The following IGSF9B variants were observed in gnomAD, a reference collection of about 807,000 sequenced individuals.
IGSF9B encodes protein turtle homolog B.
IGSF9B carries 48 observed loss-of-function variants against 143.7 expected under a neutral mutation model. That is an observed-to-expected ratio of 0.33 (90% CI 0.26 to 0.42). The LOEUF is 0.42. Among genes scored for constraint, IGSF9B ranks in the 20% least tolerant of loss-of-function variants. The pLI is 1.00. For missense variants in IGSF9B, 1,706 were observed against 1,980.0 expected, an observed-to-expected ratio of 0.86 and a Z score of 2.63; for synonymous variants, 903 against 833.1, an observed-to-expected ratio of 1.08 and a Z score of -1.44.
At chr11:133,950,892 CTCT>C (rs1021750652) in intron 1 of IGSF9B, among the ~76,000 whole-genome samples, 2 of 147,812 alleles carry the variant, frequency 1.4e-5, no homozygotes, top group African/African-American at 4.9e-5. Context: ...CCTCCTCCTC[CTCT>C]GGGCACCAGA....
intron 7 of IGSF9B, among the ~76,000 whole-genome samples, chr11:133,933,760 C>T (rs944534698): frequency 4.6e-5 from 7 of 152,076 alleles, no homozygotes; most frequent in African/African-American, 9.7e-5. Context: ...GGAGGAGCAA[C>T]GAGAACCCCA....
At chr11:133,950,041 G>A (rs1940130088) in intron 1 of IGSF9B, among the ~76,000 whole-genome samples, 1 of 152,176 alleles carries the variant, frequency 6.6e-6, no homozygotes, top group Non-Finnish European at 1.5e-5. Context: ...AGGTCTGGCT[G>A]ACCTTTTGGG....
intron 19 of IGSF9B, among the ~76,000 whole-genome samples, chr11:133,910,053 C>A (rs1310121884): frequency 6.6e-6 from 1 of 152,104 alleles, no homozygotes. Flanking sequence ...TGTGGTGTGT[C>A]CCCGATACAG....
intron 14 of IGSF9B, 72 bp downstream of exon 14, chr11:133,925,667 C>A: frequency 7.5e-7 from 1 of 1,339,438 alleles, no homozygotes; most frequent in Non-Finnish European, 1.0e-6. Flanking sequence ...TCACTCAAAG[C>A]TTCCAGTGCC....
chr11:133,935,962 G>A (rs1039472822), intron 6 of IGSF9B, 91 bp downstream of exon 6: 214 of 1,493,264 alleles, frequency 1.4e-4, no homozygotes, highest in Non-Finnish European at 1.8e-4. Context: ...CAAGAGCCAC[G>A]GGCAGCCTGC....
intron 18 of IGSF9B, among the ~76,000 whole-genome samples, chr11:133,915,863 G>A (rs1939370955): frequency 6.6e-6 from 1 of 152,222 alleles, no homozygotes; most frequent in African/African-American, 2.4e-5. Flanking sequence ...CACCGATGGA[G>A]GCAGGGGAAA....
At chr11:133,944,416 G>A in intron 2 of IGSF9B, 50 bp from the exon 3 acceptor site, 1 of 1,583,808 alleles carries the variant, frequency 6.3e-7, no homozygotes, top group East Asian at 2.2e-5. Context: ...GGTAAGGACA[G>A]CAGCTCCCCG....
At chr11:133,950,650 A>T (rs1004281245) in intron 1 of IGSF9B, among the ~76,000 whole-genome samples, 1 of 152,068 alleles carries the variant, frequency 6.6e-6, no homozygotes, top group Non-Finnish European at 1.5e-5. Flanking sequence ...CCAACCCCAC[A>T]CTGGGGACAG....
intron 18 of IGSF9B, among the ~76,000 whole-genome samples, chr11:133,917,050 A>C (rs3802922): frequency 0.19 from 28,421 of 152,150 alleles, 2,792 homozygotes; most frequent in Middle Eastern, 0.26. Context: ...ACTCTTAGGA[A>C]TGAATGAGAT....
At chr11:133,926,088 A>C in intron 13 of IGSF9B, 123 bp from the exon 14 acceptor site, 2 of 678,224 alleles carry the variant, frequency 2.9e-6, no homozygotes, top group Non-Finnish European at 5.2e-6. Context: ...CCCGGGGCCC[A>C]GGGCTTCAGG....
intron 5 of IGSF9B, 74 bp downstream of exon 5, chr11:133,937,302 C>T (rs1939842513): frequency 1.7e-6 from 2 of 1,148,660 alleles, no homozygotes; most frequent in Non-Finnish European, 2.5e-6. Context: ...TGGGAAAACG[C>T]CCTCCGTAGC....
In IGSF9B at chr11:133,919,928, C is replaced by A; in HGVS notation, c.3797G>T (p.Ser1266Ile). The change falls in exon 18 of 20, where the codon AGT becomes ATT. Residue 1266 changes from serine to isoleucine, a missense_variant. By Grantham distance (142) the Ser-to-Ile change is moderately radical (BLOSUM62 -2). Coordinates refer to ENST00000533871, the MANE Select transcript of IGSF9B (RefSeq NM_001277285.4). Reference protein sequence around the residue: ...GSPSQSSRSGSPSYRPAMGFT... With the variant: ...GSPSQSSRSGIPSYRPAMGFT... ...GCCCATGGCGGGCCGGTAGCTGGGA[C>A]TCCCACTGCGGCTGCTCTGGGAGGG... 1 of 1,559,318 alleles carries A rather than the reference C, an allele frequency of 6.4e-7. No individual in the cohort carries two copies. The highest frequency in any genetic ancestry group is 1.4e-5 in the African/African-American group (1 of 72,988).
chr11:133,946,396 T>A, intron 1 of IGSF9B, 138 bp from the exon 2 acceptor site: 1 of 691,836 alleles, frequency 1.4e-6, no homozygotes, highest in Non-Finnish European at 2.5e-6. Context: ...CCCAGGAGGG[T>A]CCCAGGCACA....
chr11:133,952,232 G>T (rs779990400), intron 1 of IGSF9B: 3 of 354,754 alleles, frequency 8.5e-6, no homozygotes, highest in African/African-American at 6.4e-5. Context: ...CACACCCATG[G>T]GCAGCGCCTT....
chr11:133,924,721 C>T, intron 15 of IGSF9B, 99 bp downstream of exon 15: 1 of 990,866 alleles, frequency 1.0e-6, no homozygotes, highest in Non-Finnish European at 1.6e-6. Flanking sequence ...GTTTCCAATC[C>T]AGCTTCTCCT....
chr11:133,926,899 C>G lies in IGSF9B; in HGVS notation c.1807+17G>C, dbSNP rs1939637495. On this transcript the variant is annotated intron_variant, in intron 13 of 19. Transcript: ENST00000533871. ...CTCTACAACCCCCGCTCCCAACATCCCACCCCGGGCCCTCACCTAAAGTGT... is the reference window on the plus strand; with the variant it reads ...CTCTACAACCCCCGCTCCCAACATCGCACCCCGGGCCCTCACCTAAAGTGT... 2 of 1,560,844 alleles carry G rather than the reference C, an allele frequency of 1.3e-6. No individual in the cohort carries two copies. Among genetic ancestry groups the G allele is most frequent in the Admixed American group, 3.6e-5 (2 of 55,214 alleles).
Position 133,897,650 on chromosome 11 carries a change from G to A in IGSF9B, c.*11419C>T, listed in dbSNP as rs1407960368. The A allele has an allele frequency of 6.6e-6, 1 of 152,126 alleles. No homozygotes were observed. The highest frequency in any genetic ancestry group is 2.4e-5 in the African/African-American group (1 of 41,412). The allele number at this position is 152,126 out of a possible 1,614,324, so 9.4% of individuals were successfully genotyped here. On this transcript the variant is annotated 3_prime_UTR_variant, in exon 20 of 20. Coordinates refer to ENST00000533871, the MANE Select transcript of IGSF9B (RefSeq NM_001277285.4). Reference sequence around the variant, plus strand: ...TATGTTCATATAAGGCTTTGGTACAGCACCGATTTCATGTTCTTATAGTTT... The same window carrying A: ...TATGTTCATATAAGGCTTTGGTACAACACCGATTTCATGTTCTTATAGTTT...
rs1396126409 is a variant in IGSF9B at position 133,920,464 on chromosome 11, C to A, written c.3261G>T (p.Val1087=). 3 of 1,567,158 alleles carry A rather than the reference C, an allele frequency of 1.9e-6. No individual in the cohort carries two copies. The highest frequency in any genetic ancestry group is 1.7e-6 in the Non-Finnish European group (2 of 1,156,030). ...ACAGGATGCCCGGGTAGGCCGCGGG[C>A]ACCTGCAGGGAGGTGGGGGGCAGTC... ...PRGLPPTSLQ[V]PAAYPGILSL... The change falls in exon 18 of 20, where the codon GTG becomes GTT. Residue 1087 remains valine (V), a synonymous_variant. Transcript: ENST00000533871.
At position 133,914,488 on chromosome 11, in the gene IGSF9B, C is replaced by T. The variant is rs117543931; in HGVS notation, c.3984-2481G>A. Among the ~76,000 whole-genome samples the T allele has an allele frequency of 6.3e-3, 965 of 152,302 alleles. 4 individuals carry two copies. The highest frequency in any genetic ancestry group is 0.011 in the Non-Finnish European group (719 of 68,030). Reference sequence around the variant, plus strand: ...ACAGCCCCGGTGAGACAGACCAGGGCTGGAGAGGAGCCTGCTTAAGTTGTA... The same window carrying T: ...ACAGCCCCGGTGAGACAGACCAGGGTTGGAGAGGAGCCTGCTTAAGTTGTA... On this transcript the variant is annotated intron_variant, in intron 18 of 19. Coordinates refer to ENST00000533871, the MANE Select transcript of IGSF9B (RefSeq NM_001277285.4).
Sources: gnomAD v4.1 joint callset for allele counts (sites outside exome capture counted in the v4.1 genomes callset) on GRCh38, gnomAD v4.1.1 for gene constraint, MANE v1.5 for transcripts, NCBI Gene and HGNC (gene_info 2026-07-23, HGNC 2026-07-21) for gene names.